Variants in SLC6A15 observed in about 807,000 individuals in gnomAD.
The protein encoded by SLC6A15 is sodium-dependent neutral amino acid transporter B(0)AT2.
SLC6A15 carries 33 observed loss-of-function variants against 68.5 expected under a neutral mutation model. The observed-to-expected ratio is 0.48, with a 90% CI of 0.37 to 0.64. SLC6A15 has a LOEUF of 0.64. Among genes scored for constraint, SLC6A15 ranks in the 30% least tolerant of loss-of-function variants. SLC6A15 has a pLI of 0.00. For synonymous variants in SLC6A15, 347 were observed against 301.0 expected (o/e 1.15, Z -1.58); for missense variants, 747 against 874.3 (o/e 0.85, Z 1.84).
intron 5 of SLC6A15, among the ~76,000 whole-genome samples, chr12:84,878,368 A>T (rs927057340): frequency 1.3e-5 from 2 of 152,140 alleles, no homozygotes; most frequent in African/African-American, 4.8e-5. Flanking sequence ...TTTGGCATTC[A>T]TTAAATTTGG....
rs1481196929 is a variant in SLC6A15, at chr12:84,892,066, A to C, written c.55T>G (p.Ser19Ala). Residue 19 changes from serine to alanine, a missense_variant, in exon 2 of 12, where the codon TCT becomes GCT. Physicochemically the swap from Ser to Ala is moderately conservative, Grantham distance 99. Coordinates refer to ENST00000266682, the MANE Select transcript of SLC6A15 (RefSeq NM_182767.6). ...KRELDDDVTE[S>A]VKDLLSNEDA... ...TCATTGGAAAGAAGGTCTTTGACAG[A>C]CTCAGTAACATCATCATCTAATTCT... 1 of 1,613,458 alleles carries C rather than the reference A, an allele frequency of 6.2e-7. No individual in the cohort carries two copies. Among genetic ancestry groups the C allele is most frequent in the African/African-American group, 1.3e-5 (1 of 74,706 alleles).
In SLC6A15 at chr12:84,867,175, G is replaced by A. The variant is rs1269666693; in HGVS notation, c.1514C>T (p.Ala505Val). ...EILTVICCLL[A>V]FCIGLIFVQR... ...CACAAATATCAGGCCAATACAAAATGCCAGAAGACAACAGATAACTAGACA... is the reference window on the plus strand; with the variant it reads ...CACAAATATCAGGCCAATACAAAATACCAGAAGACAACAGATAACTAGACA... The change falls in exon 10 of 12, where the codon GCA becomes GTA. Residue 505 changes from alanine (A) to valine (V), a missense_variant. Coordinates refer to ENST00000266682, the MANE Select transcript of SLC6A15 (RefSeq NM_182767.6). 1 of 1,600,272 alleles carries A rather than the reference G, an allele frequency of 6.2e-7. No individual in the cohort carries two copies. The highest frequency in any genetic ancestry group is 1.1e-5 in the South Asian group (1 of 87,932).
At chr12:84,867,271 T>G in intron 9 of SLC6A15, 78 bp from the exon 10 acceptor site, 1 of 1,219,764 alleles carries the variant, frequency 8.2e-7, no homozygotes, top group Admixed American at 3.1e-5. Context: ...AATTATTATA[T>G]TCAAACTTTT....
chr12:84,863,224 G>A (rs1239570782), intron 11 of SLC6A15, among the ~76,000 whole-genome samples: 1 of 152,044 alleles, frequency 6.6e-6, no homozygotes, highest in East Asian at 1.9e-4. Flanking sequence ...ATAAGGACAA[G>A]GTTAGTGCTT....
Position 84,873,183 on chromosome 12 carries a change from G to A in SLC6A15, c.1013C>T (p.Ser338Phe). Residue 338 changes from serine to phenylalanine, a missense_variant, in exon 7 of 12, where the codon TCC (serine) becomes TTC (phenylalanine). Ser to Phe is a radical substitution (Grantham distance 155). Coordinates refer to ENST00000266682, the MANE Select transcript of SLC6A15 (RefSeq NM_182767.6). ...GACAGAAGTGAAAAAATTGATGAAG[G>A]ACACCAGGACAGCATCAAAGTGGCA... ...NNCHFDAVLV[S>F]FINFFTSVLA... The A allele has an allele frequency of 1.2e-6, 2 of 1,613,984 alleles. No homozygotes were observed. Among genetic ancestry groups the A allele is most frequent in the Non-Finnish European group, 1.7e-6 (2 of 1,179,996 alleles).
chr12:84,861,572 C>T lies in SLC6A15; in HGVS notation c.*60G>A. On this transcript the variant is annotated 3_prime_UTR_variant, in exon 12 of 12. Transcript: ENST00000266682. ...TAAGTGAAGCCTAATGCTTCTCCTACTAGGGCCAATGTTCATTGGTAAAAA... is the reference window on the plus strand; with the variant it reads ...TAAGTGAAGCCTAATGCTTCTCCTATTAGGGCCAATGTTCATTGGTAAAAA... The T allele has an allele frequency of 1.3e-6, 2 of 1,528,172 alleles. No homozygotes were observed. The highest frequency in any genetic ancestry group is 4.1e-5 in the Admixed American group (2 of 48,686). The allele number at this position is 1,528,172 out of a possible 1,614,324, so 94.7% of individuals were successfully genotyped here.
chr12:84,865,294 A>C (rs1871019514), intron 10 of SLC6A15, among the ~76,000 whole-genome samples: 1 of 152,138 alleles, frequency 6.6e-6, no homozygotes, highest in Non-Finnish European at 1.5e-5. Flanking sequence ...TTGATTACAC[A>C]CTTTATTTTT....
chr12:84,863,141 TTAA>T (rs1333978708), intron 11 of SLC6A15, among the ~76,000 whole-genome samples: 1 of 152,154 alleles, frequency 6.6e-6, no homozygotes, highest in Non-Finnish European at 1.5e-5. Flanking sequence ...AGAGTTTTGA[TTAA>T]TATGTTTTCT....
intron 6 of SLC6A15, among the ~76,000 whole-genome samples, chr12:84,875,438 C>A (rs1871472351): frequency 6.6e-6 from 1 of 151,776 alleles, no homozygotes. Flanking sequence ...AACACAGCTT[C>A]TTTTACGCAG....
At chr12:84,894,146 A>G (rs1467880922) in intron 1 of SLC6A15, among the ~76,000 whole-genome samples, 2 of 152,202 alleles carry the variant, frequency 1.3e-5, no homozygotes, top group African/African-American at 2.4e-5. Flanking sequence ...TATTAGTTGA[A>G]TACATTAATA....
intron 1 of SLC6A15, among the ~76,000 whole-genome samples, chr12:84,893,009 G>T (rs1296105245): frequency 6.6e-6 from 1 of 152,138 alleles, no homozygotes; most frequent in Non-Finnish European, 1.5e-5. Flanking sequence ...TGCCTAGGCA[G>T]ATCTCGAACT....
At chr12:84,887,860 A>G (rs1292839899) in intron 2 of SLC6A15, among the ~76,000 whole-genome samples, 1 of 151,998 alleles carries the variant, frequency 6.6e-6, no homozygotes. Flanking sequence ...AAGAACTGAA[A>G]GTAGATCTAC....
At chr12:84,882,580 T>G (rs578148158) in intron 5 of SLC6A15, 4 of 529,714 alleles carry the variant, frequency 7.6e-6, no homozygotes, top group Non-Finnish European at 9.7e-6. Context: ...GTTGACTAAT[T>G]GGTGGGACTA....
intron 10 of SLC6A15, among the ~76,000 whole-genome samples, chr12:84,865,877 A>G (rs1871042703): frequency 6.6e-6 from 1 of 152,186 alleles, no homozygotes; most frequent in South Asian, 2.1e-4. Flanking sequence ...GGCAATTATG[A>G]ATATAGTTGC....
rs572566206 is a variant in SLC6A15, at chr12:84,863,607, T to A, written c.1656-6A>T. The A allele has an allele frequency of 4.4e-5, 67 of 1,510,946 alleles. 1 individual carries two copies. The Middle Eastern group carries it at 6.7e-4, about 15-fold the overall frequency. The allele number at this position is 1,510,946 out of a possible 1,614,324, so 93.6% of individuals were successfully genotyped here. A position where few individuals can be genotyped will look rare whatever the true frequency, so the allele number is the denominator to read the frequency against. The stretch of plus-strand genomic sequence containing the variant: ...CTTTTAGGTCTTCCATAAACCTGAA[T>A]AAAAAGAAAGTATTTAATTATTCCT... On this transcript the variant is annotated splice_polypyrimidine_tract_variant and splice_region_variant and intron_variant, in intron 10 of 11. Transcript: ENST00000266682.
chr12:84,873,945 A>G (rs1015142803), intron 6 of SLC6A15, among the ~76,000 whole-genome samples: 9 of 152,232 alleles, frequency 5.9e-5, no homozygotes, highest in Admixed American at 5.9e-4. Context: ...TTGAACAGAT[A>G]TTAAATATTG....
intron 2 of SLC6A15, among the ~76,000 whole-genome samples, chr12:84,886,680 T>TC (rs1343493183): frequency 6.6e-6 from 1 of 152,014 alleles, no homozygotes; most frequent in African/African-American, 2.4e-5. Context: ...AAATAGATTT[T>TC]GTTTTCCAAA....
chr12:84,895,234 C>T (rs1353791649), intron 1 of SLC6A15, among the ~76,000 whole-genome samples: 1 of 151,398 alleles, frequency 6.6e-6, no homozygotes, highest in Non-Finnish European at 1.5e-5. Flanking sequence ...CCCATATTAC[C>T]AATGTTTAAA....
intron 10 of SLC6A15, among the ~76,000 whole-genome samples, chr12:84,865,448 C>A (rs1565719412): frequency 6.6e-6 from 1 of 152,136 alleles, no homozygotes; most frequent in Non-Finnish European, 1.5e-5. Flanking sequence ...GATGAACCTA[C>A]ATAAGTTAAC....
Sources: allele counts gnomAD v4.1 joint callset (sites outside exome capture counted in the v4.1 genomes callset), GRCh38; gene constraint gnomAD v4.1.1; transcripts MANE v1.5; gene names NCBI Gene and HGNC (gene_info 2026-07-23, HGNC 2026-07-21).